Variants in MID2 observed in about 807,000 individuals in gnomAD.
MID2 encodes probable E3 ubiquitin-protein ligase MID2.
Under a neutral mutation model 46.1 loss-of-function variants are expected in MID2, and 13 were observed. The observed-to-expected ratio is 0.28, with a 90% confidence interval of 0.18 to 0.45. The LOEUF is 0.45. Among genes scored for constraint, MID2 ranks in the 20% least tolerant of loss-of-function variants. The pLI is 1.00. For missense variants in MID2, 431 were observed against 575.4 expected (o/e 0.75, Z 2.57); for synonymous variants, 199 against 212.3 (o/e 0.94, Z 0.55).
At chrX:107,907,124 A>G (rs1024400541) in intron 5 of MID2, among the ~76,000 whole-genome samples, 18 of 111,827 alleles carry the variant, frequency 1.6e-4, no homozygotes, top group Middle Eastern at 4.7e-3. Context: ...AATCAGTCCC[A>G]CTTTTTCCAT....
Position 107,858,054 on chromosome X carries a change from A to G in MID2, c.816+3350A>G, listed in dbSNP as rs894636410. Among the ~76,000 whole-genome samples, 5 of 112,156 alleles carry G rather than the reference A, an allele frequency of 4.5e-5. No individual in the cohort carries two copies. In the East Asian group the frequency reaches 1.4e-3, roughly 31 times the overall value. ...TCATGGTTCTTTCTCCCTGTTCTCTATTCTCCTCAGAAAGTAAACAAAGCT... is the reference window on the plus strand; with the variant it reads ...TCATGGTTCTTTCTCCCTGTTCTCTGTTCTCCTCAGAAAGTAAACAAAGCT... On this transcript the variant is annotated intron_variant, in intron 3 of 9. Coordinates refer to ENST00000262843, the MANE Select transcript of MID2 (RefSeq NM_012216.4).
intron 3 of MID2, among the ~76,000 whole-genome samples, chrX:107,893,279 A>G (rs1932643868): frequency 8.9e-6 from 1 of 112,883 alleles, no homozygotes; most frequent in African/African-American, 3.2e-5. Flanking sequence ...TAAAAAACAC[A>G]GTCTTTGTCA....
At chrX:107,850,949 A>G (rs1218847865) in intron 2 of MID2, among the ~76,000 whole-genome samples, 1 of 112,228 alleles carries the variant, frequency 8.9e-6, no homozygotes, top group Admixed American at 9.4e-5. Flanking sequence ...ATGGAATCCC[A>G]TGTTTGAATG....
chrX:107,836,646 G>A (rs1268213675), intron 1 of MID2, among the ~76,000 whole-genome samples: 1 of 110,290 alleles, frequency 9.1e-6, no homozygotes, highest in Non-Finnish European at 1.9e-5. Flanking sequence ...TATTGTTCAG[G>A]TGCTTAGATA....
rs1416301675 is a variant in MID2, at chrX:107,917,606, T to C, written c.1302T>C (p.Tyr434=). 1 of 1,211,277 alleles carries C rather than the reference T, an allele frequency of 8.3e-7. No individual in the cohort carries two copies. The highest frequency in any genetic ancestry group is 1.1e-6 in the Non-Finnish European group (1 of 894,990). The change falls in exon 7 of 10, where the codon TAT becomes TAC. Residue 434 remains tyrosine (Y), a synonymous_variant. Transcript: ENST00000262843. ...ATGATGAGTTCAGCATCAGCTCCTA[T>C]GAGCTTCAGTACACCATATTCACTG... ...ISDDEFSISS[Y]ELQYTIFTGQ...
At chrX:107,905,424 T>C in intron 4 of MID2, 54 bp from the exon 5 acceptor site, 1 of 1,002,776 alleles carries the variant, frequency 1.0e-6, no homozygotes, top group Non-Finnish European at 1.4e-6. Flanking sequence ...TTATTGTTTT[T>C]AATTAAGCAC....
At chrX:107,888,458 G>A (rs955267529) in intron 3 of MID2, among the ~76,000 whole-genome samples, 10 of 112,127 alleles carry the variant, frequency 8.9e-5, no homozygotes, top group Non-Finnish European at 1.3e-4. Flanking sequence ...TTAATCCTGC[G>A]TTCTAGTTAG....
chrX:107,826,397 CGGA>C lies in MID2; in HGVS notation c.-25_-23del, dbSNP rs1344598963. ...CGAGAGCCCAGCGCCCTCGAGCGAG[CGGA>C]GGAGATGGCTGGCACCTGGGAACGC... is the stretch of plus-strand genomic sequence containing the variant. On this transcript the variant is annotated 5_prime_UTR_variant, in exon 1 of 10. Coordinates refer to ENST00000262843, the MANE Select transcript of MID2 (RefSeq NM_012216.4). The C allele has an allele frequency of 9.7e-6, 11 of 1,135,320 alleles. No homozygotes were observed. In the South Asian group the frequency reaches 2.2e-4, roughly 23 times the overall value. The allele number at this position is 1,135,320 out of a possible 1,213,427, so 93.6% of individuals were successfully genotyped here.
intron 2 of MID2, among the ~76,000 whole-genome samples, chrX:107,845,525 A>ACACTCTCTCTCTCTCTCTCTCTCT (rs1276957001): frequency 3.8e-4 from 28 of 72,934 alleles, no homozygotes; most frequent in African/African-American, 1.9e-3. Flanking sequence ...ACACACACAC[A>ACACTCTCTCTCTCTCTCTCTCTCT]CTCTCTCTCT....
chrX:107,873,231 G>T (rs932901730), intron 3 of MID2, among the ~76,000 whole-genome samples: 3 of 111,984 alleles, frequency 2.7e-5, no homozygotes, highest in African/African-American at 9.7e-5. Flanking sequence ...AGTTAGTGAA[G>T]GTATCTATCC....
intron 3 of MID2, among the ~76,000 whole-genome samples, chrX:107,883,821 A>G (rs919383295): frequency 5.3e-5 from 6 of 112,523 alleles, no homozygotes; most frequent in African/African-American, 1.9e-4. Context: ...AGTGGCTGCT[A>G]AGGAGATGCA....
chrX:107,834,888 C>T (rs2147822252), intron 1 of MID2, among the ~76,000 whole-genome samples: 1 of 111,933 alleles, frequency 8.9e-6, no homozygotes, highest in Non-Finnish European at 1.9e-5. Flanking sequence ...AATTCACATG[C>T]CATAATATTC....
At chrX:107,887,729 A>G (rs1478760019) in intron 3 of MID2, among the ~76,000 whole-genome samples, 1 of 111,904 alleles carries the variant, frequency 8.9e-6, no homozygotes, top group East Asian at 2.8e-4. Context: ...CTCTGGTAGA[A>G]TTCAGCTGTG....
chrX:107,860,973 G>A (rs745717576), intron 3 of MID2, among the ~76,000 whole-genome samples: 2 of 111,911 alleles, frequency 1.8e-5, no homozygotes, highest in African/African-American at 3.2e-5. Context: ...ACTCCATTAC[G>A]CGTTGTTTTG....
intron 6 of MID2, 79 bp downstream of exon 6, chrX:107,916,208 G>T: frequency 1.3e-6 from 1 of 795,820 alleles, no homozygotes; most frequent in East Asian, 3.8e-5. Context: ...ATTTGAAAAA[G>T]ACAATATTTA....
At chrX:107,835,654 A>ACCT (rs1556357343) in intron 1 of MID2, among the ~76,000 whole-genome samples, 5 of 110,882 alleles carry the variant, frequency 4.5e-5, no homozygotes, top group African/African-American at 1.7e-4. Context: ...CCATTTGTAT[A>ACCT]TCTTTGGAAA....
chrX:107,918,857 A>G (rs1032707840), intron 7 of MID2, among the ~76,000 whole-genome samples: 7 of 112,470 alleles, frequency 6.2e-5, no homozygotes, highest in African/African-American at 2.3e-4. Flanking sequence ...AAGTCTGAGA[A>G]GTGACAAAGA....
chrX:107,905,415 T>G, intron 4 of MID2, 63 bp from the exon 5 acceptor site: 3 of 957,190 alleles, frequency 3.1e-6, no homozygotes, highest in Non-Finnish European at 4.4e-6. Context: ...TGTTGTTTTT[T>G]ATTGTTTTTA....
chrX:107,866,152 C>G (rs1367338472), intron 3 of MID2, among the ~76,000 whole-genome samples: 1 of 111,975 alleles, frequency 8.9e-6, no homozygotes, highest in African/African-American at 3.2e-5. Flanking sequence ...TTCTAGCACC[C>G]TGGGGATATT....
Sources: allele counts gnomAD v4.1 joint callset (sites outside exome capture counted in the v4.1 genomes callset), GRCh38; gene constraint gnomAD v4.1.1; transcripts MANE v1.5; gene names NCBI Gene and HGNC (gene_info 2026-07-23, HGNC 2026-07-21).